PCDHGB4: variants seen among roughly 807,000 people sequenced by gnomAD.
The protein encoded by PCDHGB4 is protocadherin gamma subfamily B, 4, also known as protocadherin gamma-B4.
PCDHGB4 carries 38 observed loss-of-function variants against 60.5 expected under a neutral mutation model. The ratio of observed to expected loss-of-function variants is 0.63; its 90% CI spans 0.48 to 0.82. The LOEUF (loss-of-function observed/expected upper bound fraction) is 0.82. Among genes scored for constraint, PCDHGB4 ranks in the 40% least tolerant of loss-of-function variants. PCDHGB4 has a pLI of 0.00. For missense variants in PCDHGB4, 1,109 were observed against 1,209.6 expected (o/e 0.92, Z 1.23); for synonymous variants, 456 against 509.7 (o/e 0.89, Z 1.42).
intron 1 of PCDHGB4, chr5:141,428,440 G>A (rs890993546): frequency 1.0e-5 from 4 of 393,892 alleles, no homozygotes; most frequent in African/African-American, 8.2e-5. Flanking sequence ...GACTAGACCA[G>A]GGGTTTTTCC....
rs200533514 is a variant in PCDHGB4 at position 141,476,315 on chromosome 5, C to T, written c.2398-18492C>T. On this transcript the variant is annotated intron_variant, in intron 1 of 3. Transcript: ENST00000519479. This position sits in a 1 kb window ranked among gnomAD's most constrained non-coding sequence, Gnocchi z 7.6. The stretch of plus-strand genomic sequence containing the variant: ...CGGTAGCCTCTCAGCCCGCAGGTTC[C>T]GGGTGGTGTCTGGAGCTAGCCGAAG... 264 of 1,613,910 alleles carry T rather than the reference C, an allele frequency of 1.6e-4. No homozygotes were observed. The highest frequency in any genetic ancestry group is 2.1e-4 in the Non-Finnish European group (248 of 1,180,024).
chr5:141,510,194 G>A (rs920127442), intron 3 of PCDHGB4, among the ~76,000 whole-genome samples: 1 of 151,462 alleles, frequency 6.6e-6, no homozygotes, highest in Non-Finnish European at 1.5e-5. Context: ...AATCACTTGA[G>A]CCCAGGAGGC....
At chr5:141,422,791 G>T (rs2096673253) in intron 1 of PCDHGB4, 2 of 1,614,020 alleles carry the variant, frequency 1.2e-6, no homozygotes, top group South Asian at 1.1e-5. Context: ...ACAATCCTTC[G>T]ACTATGAGCA....
rs1012728568 is a variant in PCDHGB4 at position 141,495,487 on chromosome 5, T to C, written c.2456+622T>C. Among the ~76,000 whole-genome samples, 22 of 152,328 alleles carry C rather than the reference T, an allele frequency of 1.4e-4. 1 individual carries two copies. The East Asian group carries it at 4.1e-3, about 28-fold the overall frequency. ...GGGGTCTCCGTGTCTCTGCCCCTTT[T>C]TCTTGAGTTTCCGTCTTTGCCACTT... On this transcript the variant is annotated intron_variant, in intron 2 of 3. Coordinates refer to ENST00000519479, the MANE Select transcript of PCDHGB4 (RefSeq NM_003736.4).
intron 1 of PCDHGB4, chr5:141,398,744 G>A: frequency 1.9e-6 from 3 of 1,613,854 alleles, no homozygotes; most frequent in Non-Finnish European, 2.5e-6. Context: ...GAACAACAGA[G>A]TTACCATCGT....
rs374655655 is a variant in PCDHGB4, at chr5:141,431,023, C to A, written c.2397+40742C>A. 1 of 1,613,748 alleles carries A rather than the reference C, an allele frequency of 6.2e-7. No homozygotes were observed. The highest frequency in any genetic ancestry group is 2.2e-5 in the East Asian group (1 of 44,862). On this transcript the variant is annotated intron_variant, in intron 1 of 3. Coordinates refer to ENST00000519479, the MANE Select transcript of PCDHGB4 (RefSeq NM_003736.4). The surrounding 1 kb of genome is among the most constrained non-coding windows in gnomAD (Gnocchi z 4.8). ...GCAGCGGCAGCTTGGTCACGGCGGG[C>A]AGGATAGACCGGGAGGAGCTCTGTA...
chr5:141,390,539 A>T (rs774441899), intron 1 of PCDHGB4: 22 of 514,666 alleles, frequency 4.3e-5, no homozygotes, highest in Non-Finnish European at 6.5e-5. Flanking sequence ...TTTTAACCAC[A>T]AAGTGAAAGT....
intron 1 of PCDHGB4, chr5:141,428,374 C>G: frequency 1.9e-6 from 1 of 530,640 alleles, no homozygotes; most frequent in South Asian, 1.9e-5. Context: ...CTTGCACCTG[C>G]GATGCTCTTC....
intron 1 of PCDHGB4, chr5:141,409,367 G>A: frequency 1.9e-6 from 3 of 1,614,000 alleles, no homozygotes; most frequent in Non-Finnish European, 2.5e-6. Context: ...TATAGAAACA[G>A]ACATTCCATT....
chr5:141,505,302 G>GTAC, intron 2 of PCDHGB4, 91 bp from the exon 3 acceptor site: 5 of 1,592,714 alleles, frequency 3.1e-6, no homozygotes, highest in Non-Finnish European at 4.3e-6. Context: ...TAGGGTTAGG[G>GTAC]TACTAGGTTT....
At chr5:141,397,770 A>G (rs913843546) in intron 1 of PCDHGB4, among the ~76,000 whole-genome samples, 13 of 152,238 alleles carry the variant, frequency 8.5e-5, no homozygotes, top group African/African-American at 2.2e-4. Flanking sequence ...TTTATTAAGT[A>G]TATGGACGTA....
rs1594951324 is a variant in PCDHGB4, at chr5:141,490,871, T to G, written c.2398-3936T>G. 6.2e-7 allele frequency: 1 copy of G among 1,613,918 alleles called. No individual in the cohort carries two copies. The highest frequency in any genetic ancestry group is 8.5e-7 in the Non-Finnish European group (1 of 1,179,944). On this transcript the variant is annotated intron_variant, in intron 1 of 3. Coordinates refer to ENST00000519479, the MANE Select transcript of PCDHGB4 (RefSeq NM_003736.4). This position sits in a 1 kb window ranked among gnomAD's most constrained non-coding sequence, Gnocchi z 5.4. ...GTTCGAGACTCCGGCTCTCCCCCAT[T>G]GCATGCCAACACATCTCTGCATGTG...
chr5:141,462,782 T>C (rs1397671639), intron 1 of PCDHGB4, among the ~76,000 whole-genome samples: 1 of 152,220 alleles, frequency 6.6e-6, no homozygotes, highest in Non-Finnish European at 1.5e-5. Flanking sequence ...TCATAATTTG[T>C]TGCTTATTTG....
At chr5:141,466,054 G>A (rs2099115921) in intron 1 of PCDHGB4, among the ~76,000 whole-genome samples, 1 of 152,080 alleles carries the variant, frequency 6.6e-6, no homozygotes, top group Non-Finnish European at 1.5e-5. Context: ...CCCAGGAGAC[G>A]GAGCTTGCAG....
At position 141,399,361 on chromosome 5, in the gene PCDHGB4, C is replaced by T. The variant is rs375619778; in HGVS notation, c.2397+9080C>T. 7.2e-5 allele frequency: 117 copies of T among 1,613,842 alleles called. No individual in the cohort carries two copies. Among genetic ancestry groups the T allele is most frequent in the Non-Finnish European group, 9.7e-5 (115 of 1,179,910 alleles). ...TGGAACCCTAGACCGAGAGCAAACC[C>T]CGGAGTACAATGTCACCATCACAGC... On this transcript the variant is annotated intron_variant, in intron 1 of 3. Transcript: ENST00000519479.
chr5:141,402,977 C>T, intron 1 of PCDHGB4: 2 of 1,608,138 alleles, frequency 1.2e-6, no homozygotes, highest in Non-Finnish European at 8.5e-7. Flanking sequence ...CAAATGCCAG[C>T]TCCGCGGAAG....
rs773763605 is a variant in PCDHGB4, at chr5:141,476,631, A to G, written c.2398-18176A>G. On this transcript the variant is annotated intron_variant, in intron 1 of 3. Transcript: ENST00000519479. The surrounding 1 kb of genome is among the most constrained non-coding windows in gnomAD (Gnocchi z 7.6). ...GTGGGAAGCAACTCTTTACAAACCT[A>G]TGAGCTGAGCCGAAATGAATACTTT... The G allele has an allele frequency of 2.5e-6, 4 of 1,614,224 alleles. No individual in the cohort carries two copies. Among genetic ancestry groups the G allele is most frequent in the Admixed American group, 1.7e-5 (1 of 60,032 alleles).
At chr5:141,465,768 C>T (rs1414064889) in intron 1 of PCDHGB4, among the ~76,000 whole-genome samples, 1 of 151,916 alleles carries the variant, frequency 6.6e-6, no homozygotes, top group Non-Finnish European at 1.5e-5. Flanking sequence ...CATGTTTCAT[C>T]TCTTGTTACA....
At chr5:141,421,474 G>T (rs1320526226) in intron 1 of PCDHGB4, 3 of 1,614,014 alleles carry the variant, frequency 1.9e-6, no homozygotes, top group African/African-American at 2.7e-5. Flanking sequence ...TCCGCGAAGC[G>T]GCAGCTTGAT....
Sources: gnomAD v4.1 joint callset for allele counts (sites outside exome capture counted in the v4.1 genomes callset) on GRCh38, gnomAD v4.1.1 for gene constraint, Gnocchi (gnomAD v3.1) non-coding constraint, MANE v1.5 for transcripts, NCBI Gene and HGNC (gene_info 2026-07-23, HGNC 2026-07-21) for gene names.